ADGRG1: variants seen among roughly 807,000 people sequenced by gnomAD.
The protein encoded by ADGRG1 is 7-transmembrane protein with no EGF-like N-terminal domains-1.
A neutral mutation model predicts 73.5 loss-of-function variants in ADGRG1; 53 were observed. That is an observed-to-expected ratio of 0.72 (90% CI 0.58 to 0.91). The LOEUF (loss-of-function observed/expected upper bound fraction) is 0.91, where lower values mean the gene tolerates loss of function less well. Among genes scored for constraint, ADGRG1 ranks in the 40% least tolerant of loss-of-function variants. The pLI, the probability that ADGRG1 is intolerant of heterozygous loss-of-function variation, is 0.00. For missense variants in ADGRG1, 795 were observed against 871.8 expected (o/e 0.91, Z 1.11); for synonymous variants, 394 against 374.4 (o/e 1.05, Z -0.60).
At chr16:57,661,198 C>G (rs1392549591) in intron 12 of ADGRG1, 2 of 707,902 alleles carry the variant, frequency 2.8e-6, no homozygotes, top group Non-Finnish European at 3.5e-6. Flanking sequence ...TCTCCCCATG[C>G]AGATGGGAAG....
rs2039235563 is a variant in ADGRG1, at chr16:57,635,889, A to G, written c.-36+7087A>G. 6.1e-6 allele frequency: 6 copies of G among 985,194 alleles called. No individual in the cohort carries two copies. The South Asian group carries it at 2.8e-4, about 46-fold the overall frequency. 61.0% of individuals were successfully genotyped at this position (985,194 alleles called of 1,614,324 possible). On this transcript the variant is annotated intron_variant, in intron 1 of 13. Transcript: ENST00000562631. ...AATGGGAATGATAGTACCTCCTCAT[A>G]GAGTGGCCCTGGAAGCATGGGAGGC... is the stretch of plus-strand genomic sequence containing the variant.
Position 57,648,499 on chromosome 16 carries a change from C to T in ADGRG1, c.-35-1754C>T, listed in dbSNP as rs560981914. On this transcript the variant is annotated intron_variant, in intron 1 of 13. Transcript: ENST00000562631. The stretch of plus-strand genomic sequence containing the variant: ...TGGGGTTCCATTCCACATGGTGGGA[C>T]GCAGGGAACTGGCTCTCAGTCGAAG... 22 of 967,774 alleles carry T rather than the reference C, an allele frequency of 2.3e-5. No homozygotes were observed. The East Asian group carries it at 9.2e-4, about 40-fold the overall frequency. The allele number at this position is 967,774 out of a possible 1,614,324, so 59.9% of individuals were successfully genotyped here.
At chr16:57,634,051 A>G (rs2038721593) in intron 1 of ADGRG1, 12 of 984,606 alleles carry the variant, frequency 1.2e-5, no homozygotes, top group Non-Finnish European at 1.4e-5. Context: ...AAAGGACCAG[A>G]GGCCATGGCC....
chr16:57,644,419 CTCG>C (rs1266568948), intron 1 of ADGRG1, among the ~76,000 whole-genome samples: 1 of 150,052 alleles, frequency 6.7e-6, no homozygotes, highest in African/African-American at 2.5e-5. Flanking sequence ...GGCACACACA[CTCG>C]TCACACACTC....
chr16:57,651,949 AG>A (rs2044209410), intron 3 of ADGRG1: 1 of 1,309,600 alleles, frequency 7.6e-7, no homozygotes, highest in African/African-American at 1.5e-5. Flanking sequence ...AGGGTGAGAG[AG>A]CAGAGACTGG....
In ADGRG1 at chr16:57,628,761, C is replaced by T. The variant is rs1323076997; in HGVS notation, c.-77C>T. ...CTGGGGGTGGATCCTGAAAGGTGGT[C>T]CAGCCGCCTGGCCCTGCGTGGGACC... On this transcript the variant is annotated 5_prime_UTR_variant, in exon 1 of 14. Transcript: ENST00000562631. The T allele has an allele frequency of 2.0e-6, 2 of 985,530 alleles. No individual in the cohort carries two copies. Among genetic ancestry groups the T allele is most frequent in the Non-Finnish European group, 2.4e-6 (2 of 829,998 alleles). 61.0% of individuals were successfully genotyped at this position (985,530 alleles called of 1,614,324 possible). A position where few individuals can be genotyped will look rare whatever the true frequency, so the allele number is the denominator to read the frequency against.
chr16:57,659,497 C>A lies in ADGRG1; in HGVS notation c.1371C>A (p.Ser457Arg). 3 of 1,613,382 alleles carry A rather than the reference C, an allele frequency of 1.9e-6. No homozygotes were observed. The highest frequency in any genetic ancestry group is 1.7e-6 in the Non-Finnish European group (2 of 1,179,696). Residue 457 changes from serine to arginine, a missense_variant, in exon 11 of 14, where the codon AGC becomes AGA. Physicochemically the swap from Ser to Arg is moderately radical, Grantham distance 110. Coordinates refer to ENST00000562631, the MANE Select transcript of ADGRG1 (RefSeq NM_201525.4). ...VFLLDTSFLL[S>R]EPVALTGSEA... is the part of the protein sequence containing the mutation. ...TGCTGGACACGAGCTTCCTGCTCAG[C>A]GAGCCGGTGGCCCTGACAGGCTCTG...
At chr16:57,660,543 C>T (rs2046835727) in intron 11 of ADGRG1, 1 of 741,262 alleles carries the variant, frequency 1.3e-6, no homozygotes, top group Non-Finnish European at 1.6e-6. Context: ...TGACGAAGGG[C>T]AGGGCTAAGG....
chr16:57,626,870 T>A, upstream of ADGRG1: 1 of 979,588 alleles, frequency 1.0e-6, no homozygotes, highest in Non-Finnish European at 1.2e-6. Context: ...CAACCCATCC[T>A]CCCCTAGATA....
intron 1 of ADGRG1, chr16:57,640,890 G>A (rs2040654694): frequency 2.0e-6 from 2 of 985,504 alleles, no homozygotes; most frequent in Admixed American, 6.1e-5. Flanking sequence ...AGCAAGGAGG[G>A]AGGTGACTGG....
At chr16:57,649,381 G>A (rs939387914) in intron 1 of ADGRG1, among the ~76,000 whole-genome samples, 2 of 152,170 alleles carry the variant, frequency 1.3e-5, no homozygotes, top group African/African-American at 2.4e-5. Flanking sequence ...GGGAATGCAC[G>A]TCTCCCACTA....
intron 1 of ADGRG1, chr16:57,636,678 G>A: frequency 2.0e-6 from 2 of 985,202 alleles, no homozygotes; most frequent in Non-Finnish European, 1.2e-6. Flanking sequence ...GAGGTGTGGA[G>A]CCTGCCTGCC....
chr16:57,628,552 C>T (rs1171893725), upstream of ADGRG1: 3 of 985,448 alleles, frequency 3.0e-6, no homozygotes, highest in African/African-American at 3.5e-5. Context: ...CCCAGTCAAG[C>T]TCAGGGAGGA....
chr16:57,632,712 C>A, intron 1 of ADGRG1: 1 of 906,356 alleles, frequency 1.1e-6, no homozygotes, highest in Non-Finnish European at 1.3e-6. Context: ...CCTGCGCAGG[C>A]TCAGGCAGTT....
At position 57,664,741 on chromosome 16, in the gene ADGRG1, ACTC is replaced by A. The variant is rs1443768560; in HGVS notation, c.*1165_*1167del. The A allele has an allele frequency of 6.5e-6, 1 of 153,010 alleles. No individual in the cohort carries two copies. Among genetic ancestry groups the A allele is most frequent in the Admixed American group, 6.6e-5 (1 of 15,264 alleles). The allele number at this position is 153,010 out of a possible 1,614,324, so 9.5% of individuals were successfully genotyped here. On this transcript the variant is annotated 3_prime_UTR_variant, in exon 14 of 14. Transcript: ENST00000562631. The stretch of plus-strand genomic sequence containing the variant: ...AGGGACACAGATGACCGACCTGGTC[ACTC>A]CTCCTGCCAACATTCAGTCTGGTAT...
intron 1 of ADGRG1, chr16:57,621,092 A>G (rs1449380838): frequency 6.6e-6 from 1 of 152,008 alleles, no homozygotes; most frequent in Non-Finnish European, 1.5e-5. Context: ...TGCCCTCTCT[A>G]CCAACTTGGC....
intron 2 of ADGRG1, among the ~76,000 whole-genome samples, chr16:57,650,709 C>CTT (rs533496874): frequency 0.57 from 72,845 of 128,778 alleles, 21,416 homozygotes; most frequent in African/African-American, 0.68. Flanking sequence ...TCAGTTTCCT[C>CTT]TTTTTTTTTT....
intron 1 of ADGRG1, chr16:57,632,672 T>G: frequency 1.9e-6 from 1 of 520,392 alleles, no homozygotes; most frequent in Non-Finnish European, 2.5e-6. Flanking sequence ...AGGAGGCCAG[T>G]GTGGTGGGCG....
chr16:57,663,023 A>G (rs1303694483), intron 13 of ADGRG1: 2 of 984,888 alleles, frequency 2.0e-6, no homozygotes, highest in East Asian at 2.3e-4. Context: ...ATTGTAAGTG[A>G]GGCCCATACA....
Sources: allele counts gnomAD v4.1 joint callset (sites outside exome capture counted in the v4.1 genomes callset), GRCh38; gene constraint gnomAD v4.1.1; transcripts MANE v1.5; gene names NCBI Gene and HGNC (gene_info 2026-07-23, HGNC 2026-07-21).